FMN1: variants seen among roughly 807,000 people sequenced by gnomAD.
The protein encoded by FMN1 is formin 1, also known as formin-1.
In FMN1, 110 loss-of-function variants were observed where a neutral mutation model predicts 132.4. That is an observed-to-expected ratio of 0.83 (90% CI 0.71 to 0.97). The LOEUF (loss-of-function observed/expected upper bound fraction) is 0.97, where lower values mean the gene tolerates loss of function less well. Ranked by LOEUF, FMN1 falls within the 50% of genes least tolerant of loss-of-function variation. The pLI is 0.00. For synonymous variants in FMN1, 722 were observed against 651.7 expected (o/e 1.11, Z -1.64); for missense variants, 1,792 against 1,705.3 (o/e 1.05, Z -0.90).
At chr15:33,121,938 TCA>T (rs1383090360) in intron 4 of FMN1, among the ~76,000 whole-genome samples, 1 of 152,248 alleles carries the variant, frequency 6.6e-6, no homozygotes, top group Non-Finnish European at 1.5e-5. Flanking sequence ...TAGGTCTCTC[TCA>T]TTGTGTTACC....
intron 6 of FMN1, among the ~76,000 whole-genome samples, chr15:33,044,395 C>CA (rs1477148478): frequency 6.6e-6 from 1 of 152,204 alleles, no homozygotes; most frequent in Non-Finnish European, 1.5e-5. Flanking sequence ...ATGCTTTTTC[C>CA]AGGCCCACCT....
rs1176785920 is a variant in FMN1 at position 32,853,623 on chromosome 15, G to C, written c.3928+3392C>G. On this transcript the variant is annotated intron_variant, in intron 17 of 20. Transcript: ENST00000616417. Reference sequence around the variant, plus strand: ...ATTTGGAACTCTACACAGTAGAGAGGAGATACTCCATTTGTATATACTGCA... The same window carrying C: ...ATTTGGAACTCTACACAGTAGAGAGCAGATACTCCATTTGTATATACTGCA... Among the ~76,000 whole-genome samples the C allele has an allele frequency of 3.3e-5, 5 of 152,192 alleles. No individual in the cohort carries two copies. In the East Asian group the frequency reaches 9.6e-4, roughly 29 times the overall value.
intron 4 of FMN1, among the ~76,000 whole-genome samples, chr15:33,127,342 A>G (rs1280123384): frequency 6.7e-6 from 1 of 148,882 alleles, no homozygotes; most frequent in Non-Finnish European, 1.5e-5. Context: ...TGGACCCTAA[A>G]TCCCTCTAAA....
intron 5 of FMN1, chr15:33,068,002 A>G (rs1473560685): frequency 6.8e-7 from 1 of 1,460,362 alleles, no homozygotes; most frequent in Non-Finnish European, 9.0e-7. Context: ...CCCGGGAGTC[A>G]GGCTGTCAGC....
intron 4 of FMN1, among the ~76,000 whole-genome samples, chr15:33,110,652 AATATTTG>A (rs2039666488): frequency 6.6e-6 from 1 of 150,630 alleles, no homozygotes; most frequent in African/African-American, 2.4e-5. Flanking sequence ...TTTTCTTTTT[AATATTTG>A]ATTATATTCA....
intron 2 of FMN1, among the ~76,000 whole-genome samples, chr15:33,191,719 T>C (rs1966085928): frequency 6.6e-6 from 1 of 152,218 alleles, no homozygotes; most frequent in Non-Finnish European, 1.5e-5. Flanking sequence ...GTAATTACTA[T>C]TTTGCAGAGC....
chr15:33,114,720 A>G (rs761730672), intron 4 of FMN1, among the ~76,000 whole-genome samples: 9 of 152,078 alleles, frequency 5.9e-5, no homozygotes, highest in African/African-American at 9.6e-5. Context: ...TATAAACTCC[A>G]TATTTCTCAT....
At chr15:33,046,587 T>C (rs1175337375) in intron 6 of FMN1, among the ~76,000 whole-genome samples, 1 of 152,124 alleles carries the variant, frequency 6.6e-6, no homozygotes, top group Non-Finnish European at 1.5e-5. Context: ...AAATTGAGGA[T>C]GTTGCTTGCC....
At chr15:32,890,056 A>C (rs112766770) in intron 15 of FMN1, among the ~76,000 whole-genome samples, 7 of 152,284 alleles carry the variant, frequency 4.6e-5, no homozygotes, top group African/African-American at 1.7e-4. Flanking sequence ...CTCCACTTAG[A>C]ATAATATTCT....
chr15:33,010,545 T>A (rs1325247085), intron 6 of FMN1, among the ~76,000 whole-genome samples: 1 of 152,188 alleles, frequency 6.6e-6, no homozygotes, highest in African/African-American at 2.4e-5. Context: ...CAATACCTGC[T>A]ACTATTGTTG....
At chr15:32,909,053 G>A (rs1438262012) in intron 11 of FMN1, among the ~76,000 whole-genome samples, 1 of 152,130 alleles carries the variant, frequency 6.6e-6, no homozygotes, top group Non-Finnish European at 1.5e-5. Flanking sequence ...CTCATTGTCT[G>A]TACCACTTAT....
intron 4 of FMN1, among the ~76,000 whole-genome samples, chr15:33,098,156 G>T (rs1329860647): frequency 6.6e-6 from 1 of 152,134 alleles, no homozygotes; most frequent in Non-Finnish European, 1.5e-5. Flanking sequence ...TAACTCATAG[G>T]TCAAAGAAGA....
chr15:33,112,694 G>A (rs1352958401), intron 4 of FMN1, among the ~76,000 whole-genome samples: 2 of 152,096 alleles, frequency 1.3e-5, no homozygotes, highest in African/African-American at 4.8e-5. Flanking sequence ...ACCACTACTT[G>A]TTGAGTACGT....
chr15:33,069,099 GTCTC>G (rs1487915626), intron 5 of FMN1, among the ~76,000 whole-genome samples: 4 of 152,188 alleles, frequency 2.6e-5, no homozygotes, highest in Non-Finnish European at 4.4e-5. Flanking sequence ...CATCTGAAAA[GTCTC>G]TATCAGTCAG....
Position 32,926,810 on chromosome 15 carries a change from G to A in FMN1, c.3139-549C>T, listed in dbSNP as rs187749160. On this transcript the variant is annotated intron_variant, in intron 9 of 20. Coordinates refer to ENST00000616417, the MANE Select transcript of FMN1 (RefSeq NM_001277313.2). ...TAGTCTATATTTTATTTTGAGAGAA[G>A]GTCTAGCTCTGTCACCTAGGCTGGA... 3.1e-3 allele frequency among the ~76,000 whole-genome samples: 465 copies of A among 152,216 alleles called. 1 individual carries two copies. The highest frequency in any genetic ancestry group is 0.011 in the African/African-American group (447 of 41,534).
chr15:33,057,939 G>A (rs76440367), intron 6 of FMN1, among the ~76,000 whole-genome samples: 8,594 of 152,002 alleles, frequency 0.057, 862 homozygotes, highest in African/African-American at 0.2. Context: ...ATAAGCACAT[G>A]AAAGCAGACT....
intron 8 of FMN1, among the ~76,000 whole-genome samples, chr15:32,964,757 G>A (rs765995677): frequency 8.5e-5 from 13 of 152,176 alleles, no homozygotes; most frequent in Non-Finnish European, 1.5e-4. Flanking sequence ...TAGGATTCAT[G>A]CAGGTAAACT....
intron 7 of FMN1, among the ~76,000 whole-genome samples, chr15:32,984,429 T>C (rs1226911177): frequency 3.3e-5 from 5 of 152,194 alleles, no homozygotes; most frequent in African/African-American, 4.8e-5. Flanking sequence ...ATCAATATAG[T>C]AAGCTGCAAA....
intron 19 of FMN1, among the ~76,000 whole-genome samples, chr15:32,777,314 A>T (rs2056450225): frequency 6.6e-6 from 1 of 151,972 alleles, no homozygotes; most frequent in Non-Finnish European, 1.5e-5. Context: ...CAAATACTAA[A>T]ATTCACGAAT....
Sources: gnomAD v4.1 joint callset for allele counts (sites outside exome capture counted in the v4.1 genomes callset) on GRCh38, gnomAD v4.1.1 for gene constraint, MANE v1.5 for transcripts, NCBI Gene and HGNC (gene_info 2026-07-23, HGNC 2026-07-21) for gene names.